Variants in TYW1 observed in about 807,000 individuals in gnomAD.
TYW1 encodes the protein tRNA-yW synthesizing protein 1 homolog, also known as S-adenosyl-L-methionine-dependent tRNA 4-demethylwyosine synthase TYW1.
In TYW1, 46 loss-of-function variants were observed where a neutral mutation model predicts 96.2. The observed-to-expected ratio is 0.48, with a 90% CI of 0.38 to 0.61. The LOEUF (loss-of-function observed/expected upper bound fraction) is 0.61, where lower values mean the gene tolerates loss of function less well. TYW1 is among the 20% of genes least tolerant of loss of function. The probability of loss-of-function intolerance (pLI) is 0.00; values close to 1 mark genes in which losing one functional copy is unlikely to be tolerated. For missense variants in TYW1, 684 were observed against 909.6 expected, an observed-to-expected ratio of 0.75 and a Z score of 3.19; for synonymous variants, 274 against 323.0, an observed-to-expected ratio of 0.85 and a Z score of 1.63.
At chr7:67,052,668 A>T (rs1210197438) in intron 8 of TYW1, among the ~76,000 whole-genome samples, 1 of 152,208 alleles carries the variant, frequency 6.6e-6, no homozygotes, top group East Asian at 1.9e-4. Flanking sequence ...TGCATACTTC[A>T]TATCTTTGAT....
intron 15 of TYW1, among the ~76,000 whole-genome samples, chr7:67,229,364 C>T (rs986587423): frequency 6.6e-6 from 1 of 150,888 alleles, no homozygotes; most frequent in Non-Finnish European, 1.5e-5. Context: ...GTAGCGAAAC[C>T]CCATTTCTAC....
intron 12 of TYW1, among the ~76,000 whole-genome samples, chr7:67,102,339 G>T (rs756597999): frequency 9.2e-5 from 14 of 152,158 alleles, no homozygotes; most frequent in Non-Finnish European, 1.8e-4. Context: ...CTCTCTTGCT[G>T]GTGAGTCTTC....
Position 66,998,170 on chromosome 7 carries a change from G to T in TYW1, c.110G>T (p.Cys37Phe), listed in dbSNP as rs752170861. The change falls in exon 2 of 16, where the codon TGT (cysteine) becomes TTT (phenylalanine). Residue 37 changes from cysteine to phenylalanine, a missense_variant. Cys to Phe is a radical substitution (Grantham distance 205). Coordinates refer to ENST00000359626, the MANE Select transcript of TYW1 (RefSeq NM_018264.4). Reference sequence around the variant, plus strand: ...GCTGTTAGCATTAGCCTTTGGATTTGTGTCCAGATTGTCATCAAGACGCAG... The same window carrying T: ...GCTGTTAGCATTAGCCTTTGGATTTTTGTCCAGATTGTCATCAAGACGCAG... ...GFAVSISLWI[C>F]VQIVIKTQGK... The T allele has an allele frequency of 1.9e-6, 3 of 1,609,040 alleles. No homozygotes were observed. The South Asian group carries it at 3.4e-5, about 18-fold the overall frequency.
intron 10 of TYW1, among the ~76,000 whole-genome samples, chr7:67,075,733 G>A (rs1203516841): frequency 1.3e-5 from 2 of 152,152 alleles, no homozygotes; most frequent in Non-Finnish European, 2.9e-5. Context: ...GAATATGGGG[G>A]TTGAGGAGCA....
chr7:67,034,979 A>G (rs1292467800), intron 7 of TYW1, among the ~76,000 whole-genome samples: 2 of 152,212 alleles, frequency 1.3e-5, no homozygotes, highest in Non-Finnish European at 1.5e-5. Flanking sequence ...GATGTTATCA[A>G]TCTTTCAAAT....
intron 11 of TYW1, among the ~76,000 whole-genome samples, chr7:67,090,192 C>T (rs1200502070): frequency 6.6e-6 from 1 of 152,174 alleles, no homozygotes; most frequent in Non-Finnish European, 1.5e-5. Context: ...GAAGAGAACA[C>T]CACCTGTTAA....
At chr7:67,008,193 G>C (rs1793669283) in intron 3 of TYW1, among the ~76,000 whole-genome samples, 1 of 152,174 alleles carries the variant, frequency 6.6e-6, no homozygotes, top group Admixed American at 6.6e-5. Context: ...ATGGAGGGGT[G>C]GGGGTTGAGC....
chr7:67,004,765 T>C (rs180875040), intron 3 of TYW1, among the ~76,000 whole-genome samples: 36 of 152,232 alleles, frequency 2.4e-4, no homozygotes, highest in Admixed American at 9.2e-4. Flanking sequence ...ATTTCTTGTT[T>C]TCTTTTTTGA....
chr7:67,056,374 C>G (rs1450336976), intron 9 of TYW1, among the ~76,000 whole-genome samples: 1 of 151,960 alleles, frequency 6.6e-6, no homozygotes, highest in Non-Finnish European at 1.5e-5. Context: ...CGTCTGTAAT[C>G]CCAGCTATTC....
At chr7:67,226,687 A>G (rs1801569476) in intron 15 of TYW1, among the ~76,000 whole-genome samples, 1 of 152,112 alleles carries the variant, frequency 6.6e-6, no homozygotes, top group South Asian at 2.1e-4. Context: ...CTCTTTCTCC[A>G]TTACAGTTCC....
At chr7:67,111,725 A>G (rs1229660554) in intron 12 of TYW1, among the ~76,000 whole-genome samples, 2 of 152,204 alleles carry the variant, frequency 1.3e-5, no homozygotes, top group African/African-American at 4.8e-5. Flanking sequence ...AAATATGTGG[A>G]AATTAAACAA....
intron 14 of TYW1, among the ~76,000 whole-genome samples, chr7:67,189,985 CA>C (rs199531927): frequency 0.098 from 14,880 of 151,568 alleles, 808 homozygotes; most frequent in Middle Eastern, 0.15. Context: ...ACTTTTGTAA[CA>C]CAATCCATTT....
At chr7:67,184,211 T>C (rs1481914360) in intron 14 of TYW1, among the ~76,000 whole-genome samples, 1 of 152,228 alleles carries the variant, frequency 6.6e-6, no homozygotes, top group African/African-American at 2.4e-5. Flanking sequence ...CTATGTGTTT[T>C]GTTTTTCCTC....
chr7:67,184,096 G>A (rs2116308383), intron 14 of TYW1, among the ~76,000 whole-genome samples: 1 of 152,318 alleles, frequency 6.6e-6, no homozygotes, highest in East Asian at 1.9e-4. Flanking sequence ...TGGGATTATA[G>A]GTGTGAGCCA....
At chr7:67,014,964 A>G (rs1196785862) in intron 5 of TYW1, among the ~76,000 whole-genome samples, 1 of 150,266 alleles carries the variant, frequency 6.7e-6, no homozygotes, top group Non-Finnish European at 1.5e-5. Flanking sequence ...TCCTGGCCTC[A>G]TGTGATCCGC....
At chr7:67,101,757 C>G (rs1012951733) in intron 12 of TYW1, among the ~76,000 whole-genome samples, 5 of 152,038 alleles carry the variant, frequency 3.3e-5, no homozygotes, top group African/African-American at 4.8e-5. Flanking sequence ...CTCGGCCTCC[C>G]AAAGTGCTGG....
intron 11 of TYW1, among the ~76,000 whole-genome samples, chr7:67,091,393 A>C (rs909567055): frequency 2.3e-5 from 3 of 128,090 alleles, no homozygotes; most frequent in Admixed American, 9.2e-5. Flanking sequence ...GAAGGGGAAC[A>C]TCACACATCG....
chr7:67,018,083 C>T lies in TYW1; in HGVS notation c.801C>T (p.Gly267=). ...KKGKCESHQH[G]SEEREEGSHE... ...GCAAATGTGAATCTCACCAACATGG[C>T]TCAGAGGAGAGGGAGGAAGGATCTC... is the stretch of plus-strand genomic sequence containing the variant. The change falls in exon 6 of 16, where the codon GGC becomes GGT. Residue 267 remains glycine, a synonymous_variant. Coordinates refer to ENST00000359626, the MANE Select transcript of TYW1 (RefSeq NM_018264.4). The T allele has an allele frequency of 6.2e-6, 10 of 1,614,068 alleles. No individual in the cohort carries two copies. The highest frequency in any genetic ancestry group is 8.5e-6 in the Non-Finnish European group (10 of 1,180,026).
chr7:67,033,293 A>G (rs1432716086), intron 7 of TYW1, among the ~76,000 whole-genome samples: 1 of 152,034 alleles, frequency 6.6e-6, no homozygotes, highest in African/African-American at 2.4e-5. Context: ...CTACTTGACC[A>G]ATGGGTCAGG....
Sources: gnomAD v4.1 joint callset for allele counts (sites outside exome capture counted in the v4.1 genomes callset) on GRCh38, gnomAD v4.1.1 for gene constraint, MANE v1.5 for transcripts, NCBI Gene and HGNC (gene_info 2026-07-23, HGNC 2026-07-21) for gene names.